Variants in LMO7 observed in about 807,000 individuals in gnomAD.
The protein encoded by LMO7 is LIM domain only protein 7.
LMO7 carries 120 observed loss-of-function variants against 206.5 expected under a neutral mutation model. The ratio of observed to expected loss-of-function variants is 0.58; its 90% confidence interval spans 0.50 to 0.68. The LOEUF (loss-of-function observed/expected upper bound fraction) is 0.68, where lower values mean the gene tolerates loss of function less well. LMO7 is among the 30% of genes least tolerant of loss of function. The probability of loss-of-function intolerance (pLI) is 0.00; values close to 1 mark genes in which losing one functional copy is unlikely to be tolerated. For synonymous variants in LMO7, 706 were observed against 681.5 expected, an observed-to-expected ratio of 1.04 and a Z score of -0.56; for missense variants, 1,959 against 1,957.9, an observed-to-expected ratio of 1.00 and a Z score of -0.01.
At chr13:75,622,219 G>T in intron 1 of LMO7, 1 of 159,124 alleles carries the variant, frequency 6.3e-6, no homozygotes, top group Non-Finnish European at 1.4e-5. Context: ...AACTTTTGTT[G>T]TCAGTAACCA....
At chr13:75,763,978 G>A (rs572351103) in intron 4 of LMO7, among the ~76,000 whole-genome samples, 60 of 152,254 alleles carry the variant, frequency 3.9e-4, no homozygotes, top group African/African-American at 1.3e-3. Context: ...GACAGAGCTA[G>A]AGTATTCTTT....
At chr13:75,626,505 G>T (rs1424271999) in intron 2 of LMO7, among the ~76,000 whole-genome samples, 1 of 149,624 alleles carries the variant, frequency 6.7e-6, no homozygotes, top group Non-Finnish European at 1.5e-5. Flanking sequence ...GGAATTCTGG[G>T]AGATACAATT....
intron 3 of LMO7, among the ~76,000 whole-genome samples, chr13:75,735,314 T>C (rs1466591998): frequency 6.6e-6 from 1 of 151,892 alleles, no homozygotes; most frequent in African/African-American, 2.4e-5. Context: ...GTGAGCCCTT[T>C]CCAAAAATGG....
intron 4 of LMO7, among the ~76,000 whole-genome samples, chr13:75,795,169 A>G (rs2053817530): frequency 6.6e-6 from 1 of 152,218 alleles, no homozygotes; most frequent in Admixed American, 6.5e-5. Context: ...AAAACTGACA[A>G]TTATATTAAT....
At chr13:75,838,373 T>C (rs1239338245) in intron 20 of LMO7, 177 bp downstream of exon 20, 1 of 1,493,390 alleles carries the variant, frequency 6.7e-7, no homozygotes. Context: ...TTACAGTTCA[T>C]GGGTCTACCT....
At chr13:75,754,750 T>C (rs896470943) in intron 3 of LMO7, among the ~76,000 whole-genome samples, 1 of 152,178 alleles carries the variant, frequency 6.6e-6, no homozygotes. Context: ...TATGAAAATA[T>C]GTTACTTGAT....
chr13:75,643,541 T>C (rs1566268131), intron 1 of LMO7, among the ~76,000 whole-genome samples: 1 of 152,230 alleles, frequency 6.6e-6, no homozygotes, highest in African/African-American at 2.4e-5. Flanking sequence ...CAGATCTCCT[T>C]AAGCCTGTTA....
intron 3 of LMO7, among the ~76,000 whole-genome samples, chr13:75,755,874 G>T (rs2047650299): frequency 1.3e-5 from 2 of 152,170 alleles, no homozygotes; most frequent in Admixed American, 1.3e-4. Context: ...GAGTGTTGAA[G>T]TGATGCCTCG....
Position 75,737,777 on chromosome 13 carries a change from T to TAAA in LMO7, c.210+10681_210+10683dup, listed in dbSNP as rs1391839155. On this transcript the variant is annotated intron_variant, in intron 3 of 30. Transcript: ENST00000377534. The stretch of plus-strand genomic sequence containing the variant: ...CAAAAAAAAAAAAAATAAAATAAAA[T>TAAA]AAAATAAAAAAAAAAAAAAAAAAAC... Among the ~76,000 whole-genome samples, 205 of 22,644 alleles carry TAAA rather than the reference T, an allele frequency of 9.1e-3. 3 individuals carry two copies. The highest frequency in any genetic ancestry group is 0.023 in the African/African-American group (104 of 4,602). 14.9% of individuals were successfully genotyped at this position (22,644 alleles called of 152,430 possible).
chr13:75,735,443 A>T (rs2045722852), intron 3 of LMO7, among the ~76,000 whole-genome samples: 1 of 152,100 alleles, frequency 6.6e-6, no homozygotes, highest in Non-Finnish European at 1.5e-5. Flanking sequence ...ATAAAATGAA[A>T]AAAATTTAGT....
chr13:75,766,369 A>G (rs1477512707), intron 4 of LMO7, among the ~76,000 whole-genome samples: 2 of 151,276 alleles, frequency 1.3e-5, no homozygotes, highest in Non-Finnish European at 2.9e-5. Flanking sequence ...CATTGGGGGT[A>G]TGTATGCTTA....
In LMO7 at chr13:75,859,209, G is replaced by A. The variant is rs1029727648; in HGVS notation, c.*1266G>A. 1 of 152,082 alleles carries A rather than the reference G, an allele frequency of 6.6e-6. No homozygotes were observed. Among genetic ancestry groups the A allele is most frequent in the Non-Finnish European group, 1.5e-5 (1 of 68,006 alleles). 9.4% of individuals were successfully genotyped at this position (152,082 alleles called of 1,614,324 possible). ...AGGAACTGAGAACTGTATTGGAATAGGTTCAAAATATGTAAGAAATGCTAA... is the reference window on the plus strand; with the variant it reads ...AGGAACTGAGAACTGTATTGGAATAAGTTCAAAATATGTAAGAAATGCTAA... On this transcript the variant is annotated 3_prime_UTR_variant, in exon 31 of 31. Transcript: ENST00000377534.
chr13:75,680,755 G>A (rs2040413066), intron 1 of LMO7, among the ~76,000 whole-genome samples: 1 of 151,714 alleles, frequency 6.6e-6, no homozygotes, highest in Non-Finnish European at 1.5e-5. Flanking sequence ...AGTGTGTGAT[G>A]TTCCCCTCCC....
intron 2 of LMO7, among the ~76,000 whole-genome samples, chr13:75,726,713 C>T (rs1355220754): frequency 6.6e-6 from 1 of 152,100 alleles, no homozygotes; most frequent in Non-Finnish European, 1.5e-5. Context: ...GATTCTTAAA[C>T]TGGCAGTTGA....
At chr13:75,646,686 C>T (rs894757697) in intron 1 of LMO7, among the ~76,000 whole-genome samples, 1 of 151,912 alleles carries the variant, frequency 6.6e-6, no homozygotes, top group East Asian at 1.9e-4. Context: ...CAGGTTCAAG[C>T]GATTCTCCTG....
At chr13:75,624,985 A>G (rs2033839921) in intron 2 of LMO7, among the ~76,000 whole-genome samples, 1 of 152,222 alleles carries the variant, frequency 6.6e-6, no homozygotes, top group South Asian at 2.1e-4. Flanking sequence ...ACAATATAGG[A>G]TGGTGGTCGG....
At chr13:75,781,261 A>G (rs12877821) in intron 4 of LMO7, among the ~76,000 whole-genome samples, 17,882 of 128,312 alleles carry the variant, frequency 0.14, 1,511 homozygotes, top group South Asian at 0.23. Context: ...ATATCTCCCA[A>G]TGCTATCCCT....
chr13:75,691,573 A>G (rs2041479485), intron 1 of LMO7, among the ~76,000 whole-genome samples: 1 of 152,030 alleles, frequency 6.6e-6, no homozygotes, highest in African/African-American at 2.4e-5. Flanking sequence ...TTGTTCTATG[A>G]TGAACACTCC....
chr13:75,677,537 A>G lies in LMO7; in HGVS notation c.70-35645A>G, dbSNP rs534034463. ...CATGTGAAGTTACATAATCCAGCCA[A>G]ATACATAATCCAGCCAAATTTCCTA... is the stretch of plus-strand genomic sequence containing the variant. On this transcript the variant is annotated intron_variant, in intron 1 of 30. Coordinates refer to ENST00000377534, the MANE Select transcript of LMO7 (RefSeq NM_001306080.2). Among the ~76,000 whole-genome samples the G allele has an allele frequency of 2.2e-4, 33 of 152,308 alleles. 1 individual carries two copies. The South Asian group carries it at 6.6e-3, about 31-fold the overall frequency.
Sources: allele counts gnomAD v4.1 joint callset (sites outside exome capture counted in the v4.1 genomes callset), GRCh38; gene constraint gnomAD v4.1.1; transcripts MANE v1.5; gene names NCBI Gene and HGNC (gene_info 2026-07-23, HGNC 2026-07-21).